Variants in SGF29 observed in about 807,000 individuals in gnomAD.
SGF29 encodes the protein SAGA complex associated factor 29, also known as SAGA-associated factor 29.
SGF29 carries 15 observed loss-of-function variants against 38.1 expected under a neutral mutation model. The observed-to-expected ratio is 0.39, with a 90% CI of 0.26 to 0.61. The LOEUF (loss-of-function observed/expected upper bound fraction) is 0.61, where lower values mean the gene tolerates loss of function less well. Among genes scored for constraint, SGF29 ranks in the 20% least tolerant of loss-of-function variants. The pLI is 0.49. For missense variants in SGF29, 184 were observed against 394.6 expected, an observed-to-expected ratio of 0.47 and a Z score of 4.52; for synonymous variants, 151 against 160.8, an observed-to-expected ratio of 0.94 and a Z score of 0.46.
Position 28,558,951 on chromosome 16 carries a change from A to G in SGF29, c.-16+4854A>G, listed in dbSNP as rs144612322. 6.7e-3 allele frequency among the ~76,000 whole-genome samples: 1,027 copies of G among 152,296 alleles called. 15 individuals carry two copies. Among genetic ancestry groups the G allele is most frequent in the African/African-American group, 0.022 (901 of 41,578 alleles). ...AAGGTTTTAAGGAGAGTTGGTGAAAATGTTCTAAAATTAGATAGTGGTGAT... is the reference window on the plus strand; with the variant it reads ...AAGGTTTTAAGGAGAGTTGGTGAAAGTGTTCTAAAATTAGATAGTGGTGAT... On this transcript the variant is annotated intron_variant, in intron 1 of 9. Transcript: ENST00000317058.
intron 1 of SGF29, among the ~76,000 whole-genome samples, chr16:28,577,158 ACT>A (rs376830341): frequency 2.6e-5 from 4 of 151,730 alleles, no homozygotes; most frequent in Admixed American, 6.6e-5. Flanking sequence ...ACACAGCGAG[ACT>A]CTGTCTCATT....
chr16:28,572,789 C>T (rs1311505325), intron 1 of SGF29, among the ~76,000 whole-genome samples: 2 of 152,062 alleles, frequency 1.3e-5, no homozygotes, highest in Non-Finnish European at 2.9e-5. Flanking sequence ...GGGGAGGTGT[C>T]GCTGGGTATG....
intron 4 of SGF29, among the ~76,000 whole-genome samples, chr16:28,587,179 A>G (rs1263570842): frequency 1.3e-5 from 2 of 152,178 alleles, no homozygotes; most frequent in Admixed American, 1.3e-4. Context: ...CTTGGGAGAT[A>G]CTTTTGAGAC....
chr16:28,590,896 C>G lies in SGF29; in HGVS notation c.726C>G (p.Thr242=), dbSNP rs1267758395. ...TGCTGGCCCTGTATCCCCAGACTAC[C>G]TGCTTCTACCGCGCCCTGATCCATG... The part of the protein sequence containing the change: ...QLVLALYPQT[T]CFYRALIHAP... The change falls in exon 9 of 10, where the codon ACC becomes ACG. Residue 242 remains threonine, a synonymous_variant. Transcript: ENST00000317058. The surrounding 1 kb of genome is among the most constrained non-coding windows in gnomAD (Gnocchi z 8.2). The G allele has an allele frequency of 6.2e-7, 1 of 1,613,336 alleles. No individual in the cohort carries two copies. Among genetic ancestry groups the G allele is most frequent in the East Asian group, 2.2e-5 (1 of 44,866 alleles).
chr16:28,564,636 T>TAC (rs1758387587), intron 1 of SGF29, among the ~76,000 whole-genome samples: 1 of 113,268 alleles, frequency 8.8e-6, no homozygotes, highest in South Asian at 2.4e-4. Flanking sequence ...TATATATACG[T>TAC]ATATATGTGT....
intron 1 of SGF29, among the ~76,000 whole-genome samples, chr16:28,579,115 T>C (rs2046911232): frequency 6.6e-6 from 1 of 152,028 alleles, no homozygotes; most frequent in South Asian, 2.1e-4. Flanking sequence ...TGCAGGCTAT[T>C]GTGCAAAATT....
chr16:28,584,747 C>CCACTACACTCCA (rs2046945688), intron 2 of SGF29, among the ~76,000 whole-genome samples, 166 bp from the exon 3 acceptor site: 1 of 150,034 alleles, frequency 6.7e-6, no homozygotes, highest in South Asian at 2.1e-4. Flanking sequence ...CGAGATCGTG[C>CCACTACACTCCA]CACTACACTC....
intron 1 of SGF29, among the ~76,000 whole-genome samples, chr16:28,570,082 T>C (rs1347142621): frequency 6.6e-6 from 1 of 152,084 alleles, no homozygotes; most frequent in East Asian, 1.9e-4. Context: ...CTAGCAGAGC[T>C]ATGGGGGTAG....
chr16:28,556,932 G>A (rs923512618), intron 1 of SGF29, among the ~76,000 whole-genome samples: 3 of 152,174 alleles, frequency 2.0e-5, no homozygotes, highest in African/African-American at 7.2e-5. Flanking sequence ...ACGGTCATGA[G>A]CCACTGCACC....
intron 1 of SGF29, among the ~76,000 whole-genome samples, chr16:28,574,004 G>A (rs989565488): frequency 1.1e-4 from 16 of 152,148 alleles, no homozygotes; most frequent in African/African-American, 3.4e-4. Context: ...TGTGCAAGGC[G>A]GGCCATTGGT....
intron 1 of SGF29, among the ~76,000 whole-genome samples, chr16:28,579,736 G>A (rs1427574178): frequency 2.0e-5 from 3 of 151,370 alleles, no homozygotes; most frequent in African/African-American, 7.3e-5. Context: ...TTTGAGACCA[G>A]CCTGGCCAAC....
intron 1 of SGF29, among the ~76,000 whole-genome samples, chr16:28,565,497 G>A (rs2046830777): frequency 6.6e-6 from 1 of 151,928 alleles, no homozygotes; most frequent in Non-Finnish European, 1.5e-5. Flanking sequence ...AGGTATGGTA[G>A]TTTTTTGTTT....
At chr16:28,578,441 C>T (rs566998870) in intron 1 of SGF29, among the ~76,000 whole-genome samples, 4 of 152,190 alleles carry the variant, frequency 2.6e-5, no homozygotes, top group East Asian at 3.9e-4. Context: ...TTTAATCTTT[C>T]GCCTTTAAGT....
chr16:28,582,809 C>G (rs533729850), intron 2 of SGF29, among the ~76,000 whole-genome samples: 247 of 152,240 alleles, frequency 1.6e-3, no homozygotes, highest in Non-Finnish European at 3.1e-3. Context: ...GTGGTACATG[C>G]TTGTAATCCC....
intron 1 of SGF29, among the ~76,000 whole-genome samples, chr16:28,575,072 A>G (rs1161074781): frequency 6.6e-6 from 1 of 152,094 alleles, no homozygotes; most frequent in Non-Finnish European, 1.5e-5. Flanking sequence ...TCTTGATGTT[A>G]TCATACTTCA....
Position 28,590,911 on chromosome 16 carries a change from C to G in SGF29, c.741C>G (p.Ala247=). 1 of 1,612,386 alleles carries G rather than the reference C, an allele frequency of 6.2e-7. No individual in the cohort carries two copies. The highest frequency in any genetic ancestry group is 8.5e-7 in the Non-Finnish European group (1 of 1,179,228). The change falls in exon 9 of 10, where the codon GCC becomes GCG. Residue 247 remains alanine (A), a synonymous_variant. Transcript: ENST00000317058. The surrounding 1 kb of genome is among the most constrained non-coding windows in gnomAD (Gnocchi z 8.2). ...LYPQTTCFYR[A]LIHAPPQRPQ... is the part of the protein sequence containing the mutation. ...CCCAGACTACCTGCTTCTACCGCGC[C>G]CTGATCCATGCGCCCCCACAGCGGG... is the stretch of plus-strand genomic sequence containing the variant.
chr16:28,564,455 G>A (rs2046808517), intron 1 of SGF29, among the ~76,000 whole-genome samples: 1 of 149,152 alleles, frequency 6.7e-6, no homozygotes, highest in Admixed American at 6.9e-5. Flanking sequence ...AGACACTGGG[G>A]AGCGTGGAGG....
At chr16:28,565,740 G>A (rs892325007) in intron 1 of SGF29, among the ~76,000 whole-genome samples, 23 of 151,812 alleles carry the variant, frequency 1.5e-4, no homozygotes, top group Non-Finnish European at 7.4e-5. Flanking sequence ...ACCCGCCTCG[G>A]CCTCCCAAAG....
intron 1 of SGF29, among the ~76,000 whole-genome samples, chr16:28,564,368 A>C (rs1439861111): frequency 1.3e-5 from 2 of 151,352 alleles, no homozygotes; most frequent in Non-Finnish European, 2.9e-5. Context: ...GAGTGCTTAG[A>C]GAATGAGAAG....
Sources: allele counts gnomAD v4.1 joint callset (sites outside exome capture counted in the v4.1 genomes callset), GRCh38; gene constraint gnomAD v4.1.1; non-coding constraint Gnocchi (gnomAD v3.1); transcripts MANE v1.5; gene names NCBI Gene and HGNC (gene_info 2026-07-23, HGNC 2026-07-21).